The following SYT16 variants were observed in gnomAD, a reference collection of about 807,000 sequenced individuals.
SYT16 encodes the protein synaptotagmin 16, also known as synaptotagmin-16.
In SYT16, 42 loss-of-function variants were observed where a neutral mutation model predicts 61.4. The ratio of observed to expected loss-of-function variants is 0.68; its 90% CI spans 0.53 to 0.89. The LOEUF (loss-of-function observed/expected upper bound fraction) is 0.89, where lower values mean the gene tolerates loss of function less well. SYT16 is among the 40% of genes least tolerant of loss of function. The pLI is 0.00. For synonymous variants in SYT16, 314 were observed against 302.3 expected (o/e 1.04, Z -0.40); for missense variants, 804 against 807.3 (o/e 1.00, Z 0.05).
At chr14:61,949,583 A>G (rs1319302788) in intron 1 of SYT16, among the ~76,000 whole-genome samples, 2 of 152,190 alleles carry the variant, frequency 1.3e-5, no homozygotes, top group East Asian at 3.9e-4. Context: ...CAGCTTCCTG[A>G]GTAGCTGAGA....
intron 1 of SYT16, among the ~76,000 whole-genome samples, chr14:61,861,032 C>G (rs944027332): frequency 1.3e-5 from 2 of 152,098 alleles, no homozygotes; most frequent in Non-Finnish European, 2.9e-5. Context: ...CAGGAAGAAT[C>G]AAGTTGGCTG....
chr14:61,941,766 A>AG (rs2050220045), intron 1 of SYT16, among the ~76,000 whole-genome samples: 2 of 152,164 alleles, frequency 1.3e-5, no homozygotes, highest in South Asian at 4.1e-4. Flanking sequence ...ATAGGTGCAA[A>AG]GGTGCCCCTT....
At chr14:61,979,377 A>C (rs564780219) in intron 2 of SYT16, among the ~76,000 whole-genome samples, 1 of 152,246 alleles carries the variant, frequency 6.6e-6, no homozygotes, top group South Asian at 2.1e-4. Flanking sequence ...AATCAGCATA[A>C]TCTATAGTCT....
At chr14:62,074,565 C>T (rs1041950756) in intron 4 of SYT16, among the ~76,000 whole-genome samples, 1 of 152,122 alleles carries the variant, frequency 6.6e-6, no homozygotes, top group Non-Finnish European at 1.5e-5. Flanking sequence ...TGGCTTTTAT[C>T]ATTTTTTAGA....
At chr14:62,022,869 T>C (rs529531920) in intron 3 of SYT16, among the ~76,000 whole-genome samples, 1 of 152,338 alleles carries the variant, frequency 6.6e-6, no homozygotes, top group Non-Finnish European at 1.5e-5. Flanking sequence ...AGTTATAGAA[T>C]ACTTTTAAGT....
At chr14:62,028,634 T>C (rs908649719) in intron 3 of SYT16, among the ~76,000 whole-genome samples, 1 of 152,222 alleles carries the variant, frequency 6.6e-6, no homozygotes, top group Admixed American at 6.5e-5. Flanking sequence ...GATTAAGGTT[T>C]ACCTGAAAAG....
intron 3 of SYT16, among the ~76,000 whole-genome samples, chr14:62,060,628 C>T (rs971905985): frequency 2.0e-5 from 3 of 151,760 alleles, no homozygotes; most frequent in African/African-American, 7.3e-5. Context: ...ATTGCATCAA[C>T]TTTAGTATCT....
chr14:61,896,499 A>G (rs1021855521), intron 1 of SYT16, among the ~76,000 whole-genome samples: 3 of 152,160 alleles, frequency 2.0e-5, no homozygotes, highest in African/African-American at 7.2e-5. Flanking sequence ...TCAACCATGA[A>G]GTTGTGCCTT....
Position 61,983,516 on chromosome 14 carries a change from G to T in SYT16, c.-144-12360G>T, listed in dbSNP as rs887558927. On this transcript the variant is annotated intron_variant, in intron 2 of 7. Coordinates refer to ENST00000683842, the MANE Select transcript of SYT16 (RefSeq NM_001367656.1). Reference sequence around the variant, plus strand: ...GATACTTTTGAACAAATAATTTCAGGTTTTTTTTGTTTCTGTTTTTGTTTT... The same window carrying T: ...GATACTTTTGAACAAATAATTTCAGTTTTTTTTTGTTTCTGTTTTTGTTTT... Among the ~76,000 whole-genome samples the T allele has an allele frequency of 4.0e-5, 6 of 151,754 alleles. No individual in the cohort carries two copies. In the South Asian group the frequency reaches 1.2e-3, roughly 32 times the overall value.
At chr14:61,947,310 GTT>G (rs1491337379) in intron 1 of SYT16, among the ~76,000 whole-genome samples, 7 of 147,916 alleles carry the variant, frequency 4.7e-5, no homozygotes, top group African/African-American at 1.8e-4. Flanking sequence ...GTGTGTGTGT[GTT>G]TGTGTAAAAT....
At chr14:61,997,439 G>A (rs1439728292) in intron 3 of SYT16, among the ~76,000 whole-genome samples, 1 of 152,058 alleles carries the variant, frequency 6.6e-6, no homozygotes, top group Non-Finnish European at 1.5e-5. Flanking sequence ...ATACCTCATA[G>A]TCCCTTCATT....
chr14:62,028,171 G>A (rs1055996366), intron 3 of SYT16, among the ~76,000 whole-genome samples: 3 of 152,152 alleles, frequency 2.0e-5, no homozygotes, highest in African/African-American at 7.2e-5. Context: ...AGTCATTTAT[G>A]TTTGGCTTCT....
At chr14:61,920,804 G>A (rs181114815) in intron 1 of SYT16, among the ~76,000 whole-genome samples, 6 of 152,244 alleles carry the variant, frequency 3.9e-5, no homozygotes, top group East Asian at 3.9e-4. Flanking sequence ...TAACACCGTC[G>A]TGAATTAGAT....
chr14:62,048,327 C>G (rs1237158421), intron 3 of SYT16, among the ~76,000 whole-genome samples: 2 of 152,136 alleles, frequency 1.3e-5, no homozygotes, highest in Non-Finnish European at 1.5e-5. Context: ...GTGATATCCC[C>G]TTTGTCATTT....
At chr14:62,007,934 GT>G (rs1336606189) in intron 3 of SYT16, among the ~76,000 whole-genome samples, 2 of 151,642 alleles carry the variant, frequency 1.3e-5, no homozygotes, top group Non-Finnish European at 2.9e-5. Context: ...AAGCTCAGAA[GT>G]TTTCCTTGCC....
At chr14:62,069,516 T>A in intron 3 of SYT16, 87 bp from the exon 4 acceptor site, 1 of 1,318,052 alleles carries the variant, frequency 7.6e-7, no homozygotes, top group Admixed American at 2.0e-5. Context: ...TTGTCCACGT[T>A]CTTCTCTTCT....
chr14:62,111,128 T>G lies in SYT16; in HGVS notation c.*10421T>G, dbSNP rs1454757830. 1 of 152,142 alleles carries G rather than the reference T, an allele frequency of 6.6e-6. No homozygotes were observed. The highest frequency in any genetic ancestry group is 1.5e-5 in the Non-Finnish European group (1 of 67,954). 9.4% of individuals were successfully genotyped at this position (152,142 alleles called of 1,614,324 possible). A position where few individuals can be genotyped will look rare whatever the true frequency, so the allele number is the denominator to read the frequency against. ...GGTCTTCATATGGCATCTGAAACAG[T>G]TGTTCACATTCACACATTTATGTTT... is the stretch of plus-strand genomic sequence containing the variant. On this transcript the variant is annotated 3_prime_UTR_variant, in exon 8 of 8. Coordinates refer to ENST00000683842, the MANE Select transcript of SYT16 (RefSeq NM_001367656.1).
chr14:62,110,084 C>A lies in SYT16; in HGVS notation c.*9377C>A, dbSNP rs947950629. ...AAACATTTTGAGATTATTTATATGT[C>A]TTCTGACTGCCCTTTGCTTTGTAGC... On this transcript the variant is annotated 3_prime_UTR_variant, in exon 8 of 8. Transcript: ENST00000683842. 6.6e-6 allele frequency: 1 copy of A among 152,260 alleles called. No homozygotes were observed. The highest frequency in any genetic ancestry group is 1.9e-4 in the East Asian group (1 of 5,184). 9.4% of individuals were successfully genotyped at this position (152,260 alleles called of 1,614,324 possible).
At chr14:62,034,792 G>A (rs2054443096) in intron 3 of SYT16, among the ~76,000 whole-genome samples, 1 of 152,120 alleles carries the variant, frequency 6.6e-6, no homozygotes, top group Non-Finnish European at 1.5e-5. Flanking sequence ...AAAATTGATT[G>A]TGATGGTTGC....
Sources: allele counts gnomAD v4.1 joint callset (sites outside exome capture counted in the v4.1 genomes callset), GRCh38; gene constraint gnomAD v4.1.1; transcripts MANE v1.5; gene names NCBI Gene and HGNC (gene_info 2026-07-23, HGNC 2026-07-21).